The following CIAO2A variants were observed in gnomAD, a reference collection of about 807,000 sequenced individuals.
CIAO2A encodes the protein MIP18 family protein FAM96A.
In CIAO2A, 17 loss-of-function variants were observed where a neutral mutation model predicts 22.4. The ratio of observed to expected loss-of-function variants is 0.76; its 90% CI spans 0.52 to 1.14. The LOEUF (loss-of-function observed/expected upper bound fraction) is 1.14, where lower values mean the gene tolerates loss of function less well. Among genes scored for constraint, CIAO2A ranks in the 50% most tolerant of loss-of-function variants. The probability of loss-of-function intolerance (pLI) is 0.00; values close to 1 mark genes in which losing one functional copy is unlikely to be tolerated. For missense variants in CIAO2A, 192 were observed against 191.4 expected, an observed-to-expected ratio of 1.00 and a Z score of -0.02; for synonymous variants, 74 against 72.3, an observed-to-expected ratio of 1.02 and a Z score of -0.12.
chr15:64,083,814 C>T (rs1341893179), intron 2 of CIAO2A, among the ~76,000 whole-genome samples: 3 of 151,840 alleles, frequency 2.0e-5, no homozygotes, highest in Non-Finnish European at 4.4e-5. Context: ...CATGGTGGCA[C>T]GCGCCTATGA....
chr15:64,093,023 C>T (rs1018347835), intron 1 of CIAO2A, among the ~76,000 whole-genome samples: 5 of 152,146 alleles, frequency 3.3e-5, no homozygotes. Flanking sequence ...TAAAGATGGC[C>T]CCAAGGGTTA....
intron 1 of CIAO2A, among the ~76,000 whole-genome samples, chr15:64,092,429 G>A (rs1283739767): frequency 6.6e-6 from 1 of 152,136 alleles, no homozygotes; most frequent in Non-Finnish European, 1.5e-5. Flanking sequence ...TCAGAGACTA[G>A]TATCTCCCTT....
intron 1 of CIAO2A, chr15:64,090,272 G>C (rs1240339697): frequency 1.2e-5 from 2 of 167,312 alleles, no homozygotes; most frequent in African/African-American, 4.8e-5. Context: ...GAAACCAGAA[G>C]GCAGAGGTTG....
chr15:64,081,169 C>T lies in CIAO2A; in HGVS notation c.290-18G>A, dbSNP rs2080756703. 1 of 1,607,970 alleles carries T rather than the reference C, an allele frequency of 6.2e-7. No homozygotes were observed. The highest frequency in any genetic ancestry group is 8.5e-7 in the Non-Finnish European group (1 of 1,175,802). Reference sequence around the variant, plus strand: ...GCACAGCCCTGTGGAGGGAAAATCACACCTCCAATTATCTCTTTATTGCTT... The same window carrying T: ...GCACAGCCCTGTGGAGGGAAAATCATACCTCCAATTATCTCTTTATTGCTT... On this transcript the variant is annotated intron_variant, in intron 2 of 4. Coordinates refer to ENST00000300030, the MANE Select transcript of CIAO2A (RefSeq NM_032231.7).
chr15:64,089,230 T>C (rs992969551), intron 1 of CIAO2A, among the ~76,000 whole-genome samples: 3 of 151,882 alleles, frequency 2.0e-5, no homozygotes, highest in African/African-American at 7.3e-5. Flanking sequence ...ACATTTAAAG[T>C]GAAGGAAAGT....
Position 64,093,634 on chromosome 15 carries a change from AAATT to A in CIAO2A, c.124+7_124+10del. The stretch of plus-strand genomic sequence containing the variant: ...ATAACGCCAAATGCTGTGCTGGGTA[AAATT>A]AATTACCATAAACTTCTAGCGCTTT... On this transcript the variant is annotated splice_region_variant and intron_variant, in intron 1 of 4. Transcript: ENST00000300030. 1 of 1,609,566 alleles carries A rather than the reference AAATT, an allele frequency of 6.2e-7. No individual in the cohort carries two copies. Among genetic ancestry groups the A allele is most frequent in the Non-Finnish European group, 8.5e-7 (1 of 1,177,126 alleles).
intron 2 of CIAO2A, among the ~76,000 whole-genome samples, chr15:64,083,938 G>A (rs1365754983): frequency 6.6e-6 from 1 of 150,940 alleles, no homozygotes; most frequent in African/African-American, 2.4e-5. Flanking sequence ...GCAAGACTCT[G>A]TCTCAAAAAA....
intron 2 of CIAO2A, among the ~76,000 whole-genome samples, chr15:64,085,033 A>G (rs1156545883): frequency 1.2e-5 from 1 of 86,116 alleles, no homozygotes; most frequent in African/African-American, 3.3e-5. Flanking sequence ...TGGAAGCTCC[A>G]GTGGCCACTA....
At position 64,072,691 on chromosome 15, in the gene CIAO2A, G is replaced by A. The variant is rs332253; in HGVS notation, c.*240C>T. On this transcript the variant is annotated 3_prime_UTR_variant, in exon 5 of 5. Transcript: ENST00000300030. ...CATCAGAAAAATAGCAACTCATCTT[G>A]CACATAATAACTAGAAAATATTATT... 341,757 of 341,762 alleles carry A rather than the reference G, an allele frequency of 1. 170,876 individuals carry two copies. Among genetic ancestry groups the A allele is most frequent in the Middle Eastern group, 1 (1,244 of 1,244 alleles). The allele number at this position is 341,762 out of a possible 1,614,324, so 21.2% of individuals were successfully genotyped here.
At chr15:64,091,210 A>T (rs1189223699) in intron 1 of CIAO2A, among the ~76,000 whole-genome samples, 1 of 152,150 alleles carries the variant, frequency 6.6e-6, no homozygotes, top group Non-Finnish European at 1.5e-5. Flanking sequence ...GCCAAACATG[A>T]CGGCTCATGC....
chr15:64,075,404 G>A, intron 4 of CIAO2A, 88 bp downstream of exon 4: 3 of 811,684 alleles, frequency 3.7e-6, no homozygotes, highest in Non-Finnish European at 5.7e-6. Flanking sequence ...AAGTAACCCA[G>A]TAGATTCTTG....
At chr15:64,073,563 G>C (rs2080691979) in intron 4 of CIAO2A, among the ~76,000 whole-genome samples, 1 of 152,044 alleles carries the variant, frequency 6.6e-6, no homozygotes. Flanking sequence ...ACCAATACAT[G>C]AGCTATCAGT....
chr15:64,079,623 G>T (rs1450718982), intron 3 of CIAO2A, among the ~76,000 whole-genome samples: 2 of 152,204 alleles, frequency 1.3e-5, no homozygotes, highest in African/African-American at 4.8e-5. Context: ...CTAGGTAGCA[G>T]CCAGGTAGAG....
intron 1 of CIAO2A, among the ~76,000 whole-genome samples, chr15:64,091,895 CA>C (rs1174586543): frequency 2.6e-5 from 4 of 151,312 alleles, no homozygotes; most frequent in Non-Finnish European, 5.9e-5. Context: ...CTCATCTCTA[CA>C]AAAAAATACA....
At chr15:64,082,261 C>A (rs1035549105) in intron 2 of CIAO2A, among the ~76,000 whole-genome samples, 12 of 152,056 alleles carry the variant, frequency 7.9e-5, no homozygotes, top group Non-Finnish European at 1.3e-4. Flanking sequence ...CAGAGTCTTG[C>A]TCTATTGCCC....
chr15:64,082,915 G>T (rs2080767737), intron 2 of CIAO2A, among the ~76,000 whole-genome samples: 1 of 152,048 alleles, frequency 6.6e-6, no homozygotes, highest in South Asian at 2.1e-4. Flanking sequence ...AGGCATTATA[G>T]TATCAGCTGG....
chr15:64,086,928 G>A (rs962837323), intron 2 of CIAO2A, among the ~76,000 whole-genome samples: 1 of 141,154 alleles, frequency 7.1e-6, no homozygotes, highest in African/African-American at 2.6e-5. Flanking sequence ...TTTTTTTTTT[G>A]AGATGAAGTT....
At chr15:64,075,607 G>T in intron 3 of CIAO2A, 70 bp from the exon 4 acceptor site, 3 of 963,184 alleles carry the variant, frequency 3.1e-6, no homozygotes, top group Non-Finnish European at 4.7e-6. Context: ...GAAGTGGAAT[G>T]TACAGTAAAT....
At chr15:64,080,955 C>A in intron 3 of CIAO2A, 147 bp downstream of exon 3, 1 of 658,296 alleles carries the variant, frequency 1.5e-6, no homozygotes, top group Non-Finnish European at 2.5e-6. Context: ...AAAGTAGAAA[C>A]AACCTAAATG....
Sources: gnomAD v4.1 joint callset for allele counts (sites outside exome capture counted in the v4.1 genomes callset) on GRCh38, gnomAD v4.1.1 for gene constraint, MANE v1.5 for transcripts, NCBI Gene and HGNC (gene_info 2026-07-23, HGNC 2026-07-21) for gene names.